Variants in ATAD2 observed in about 807,000 individuals in gnomAD.
ATAD2 encodes the protein ATPase family AAA domain containing 2, also known as ATPase family AAA domain-containing protein 2.
A neutral mutation model predicts 168.9 loss-of-function variants in ATAD2; 62 were observed. The observed-to-expected ratio is 0.37, with a 90% CI of 0.30 to 0.45. The LOEUF is 0.45. Among genes scored for constraint, ATAD2 ranks in the 20% least tolerant of loss-of-function variants. The pLI, the probability that ATAD2 is intolerant of heterozygous loss-of-function variation, is 1.00. For synonymous variants in ATAD2, 613 were observed against 571.6 expected (o/e 1.07, Z -1.03); for missense variants, 1,419 against 1,667.8 (o/e 0.85, Z 2.60).
chr8:123,369,701 T>G, intron 7 of ATAD2, 120 bp downstream of exon 7: 2 of 821,972 alleles, frequency 2.4e-6, no homozygotes, highest in Non-Finnish European at 3.8e-6. Flanking sequence ...ACAACAGTAA[T>G]GAGTATTCAA....
At position 123,380,584 on chromosome 8, in the gene ATAD2, A is replaced by C. The variant is rs752606477; in HGVS notation, c.265T>G (p.Phe89Val). 42 of 1,613,924 alleles carry C rather than the reference A, an allele frequency of 2.6e-5. 1 individual carries two copies. Among genetic ancestry groups the C allele is most frequent in the Non-Finnish European group, 1.7e-6 (2 of 1,179,954 alleles). The change falls in exon 2 of 28, where the codon TTT becomes GTT. Residue 89 changes from phenylalanine (F) to valine (V), a missense_variant. Around this residue, in one of 5 missense-constraint regions of ATAD2, gnomAD observed 419 missense variants for 423.5 expected, o/e 0.99. Transcript: ENST00000287394. ...TCCGTTATTTCCACATTCTTCTCAA[A>C]ACTAGAATCTGAAGAATTCTGTGCA... is the stretch of plus-strand genomic sequence containing the variant. ...KDAQNSSDSS[F>V]EKNVEITEQL...
chr8:123,335,257 C>A (rs1391355187), intron 22 of ATAD2, among the ~76,000 whole-genome samples: 1 of 152,160 alleles, frequency 6.6e-6, no homozygotes, highest in Non-Finnish European at 1.5e-5. Flanking sequence ...CTCCAGGGTA[C>A]CTCGTTTCTT....
intron 21 of ATAD2, among the ~76,000 whole-genome samples, chr8:123,337,053 CAA>C (rs58960333): frequency 0.012 from 748 of 61,962 alleles, 5 homozygotes; most frequent in African/African-American, 0.03. Context: ...ACCCTTACTA[CAA>C]AAAAAAAAAA....
intron 24 of ATAD2, among the ~76,000 whole-genome samples, chr8:123,330,813 G>A (rs759404496): frequency 6.6e-6 from 1 of 152,098 alleles, no homozygotes; most frequent in Admixed American, 6.5e-5. Flanking sequence ...TAGCAATCTT[G>A]CATCCGGATA....
Position 123,348,455 on chromosome 8 carries a change from T to C in ATAD2, c.1807-182A>G, listed in dbSNP as rs571872873. Among the ~76,000 whole-genome samples, 198 of 152,246 alleles carry C rather than the reference T, an allele frequency of 1.3e-3. 1 individual carries two copies. Among genetic ancestry groups the C allele is most frequent in the Non-Finnish European group, 2.3e-3 (154 of 68,006 alleles). ...ACTTTGGGAGGCCGAGGCAGGTGGA[T>C]CACTTGAGGTTGGAAGTTCAAGACC... On this transcript the variant is annotated intron_variant, in intron 14 of 27. Coordinates refer to ENST00000287394, the MANE Select transcript of ATAD2 (RefSeq NM_014109.4).
intron 1 of ATAD2, among the ~76,000 whole-genome samples, chr8:123,406,013 T>C (rs1338354009): frequency 6.6e-6 from 1 of 152,212 alleles, no homozygotes; most frequent in African/African-American, 2.4e-5. Flanking sequence ...CCTTTTATAT[T>C]AAGCAGAAAC....
chr8:123,402,982 G>A lies in ATAD2; in HGVS notation c.-2281-1807C>T, dbSNP rs933144262. Among the ~76,000 whole-genome samples the A allele has an allele frequency of 6.6e-6, 1 of 152,120 alleles. No individual in the cohort carries two copies. The highest frequency in any genetic ancestry group is 2.4e-5 in the African/African-American group (1 of 41,420). Reference sequence around the variant, plus strand: ...TTATCCACAGAGTGATTTGTGTCGCGCTGTTCTGGAATGTGACGAGGAAAG... The same window carrying A: ...TTATCCACAGAGTGATTTGTGTCGCACTGTTCTGGAATGTGACGAGGAAAG... On this transcript the variant is annotated intron_variant, in intron 1 of 28. Coordinates refer to the ATAD2 transcript ENST00000521903. The surrounding 1 kb of genome is among the most constrained non-coding windows in gnomAD (Gnocchi z 4.8).
chr8:123,364,816 G>C (rs867932395), intron 8 of ATAD2, among the ~76,000 whole-genome samples: 1 of 152,054 alleles, frequency 6.6e-6, no homozygotes, highest in Non-Finnish European at 1.5e-5. Context: ...CACAGCCAAC[G>C]TAATACTGAA....
chr8:123,339,039 A>G (rs371540531), intron 20 of ATAD2, among the ~76,000 whole-genome samples: 1 of 152,050 alleles, frequency 6.6e-6, no homozygotes, highest in African/African-American at 2.4e-5. Context: ...GTTTTATGAG[A>G]AAAAAAATGT....
intron 19 of ATAD2, among the ~76,000 whole-genome samples, chr8:123,342,008 C>T (rs1003208762): frequency 6.6e-6 from 1 of 152,118 alleles, no homozygotes; most frequent in African/African-American, 2.4e-5. Flanking sequence ...ATTGCTTAAA[C>T]CCAGGAGGCT....
At chr8:123,389,448 G>C (rs1269576958) in intron 1 of ATAD2, among the ~76,000 whole-genome samples, 1 of 150,204 alleles carries the variant, frequency 6.7e-6, no homozygotes, top group Non-Finnish European at 1.5e-5. Context: ...GACCATCCTG[G>C]CTATCACGGT....
intron 8 of ATAD2, among the ~76,000 whole-genome samples, chr8:123,366,524 A>C (rs556182112): frequency 2.0e-5 from 3 of 152,384 alleles, no homozygotes; most frequent in African/African-American, 7.2e-5. Context: ...ATGTCCATCA[A>C]TTGAGTGGAC....
intron 2 of ATAD2, among the ~76,000 whole-genome samples, chr8:123,372,892 CTT>C (rs766308467): frequency 1.2e-4 from 16 of 137,908 alleles, no homozygotes; most frequent in Non-Finnish European, 9.5e-5. Context: ...ATCCAGCTAA[CTT>C]TTTTTTTTTT....
intron 1 of ATAD2, among the ~76,000 whole-genome samples, chr8:123,404,507 A>AT (rs1360261397): frequency 6.7e-6 from 1 of 150,066 alleles, no homozygotes; most frequent in African/African-American, 2.5e-5. Flanking sequence ...TTCACATCAT[A>AT]TGTCCTTCTT....
At position 123,357,659 on chromosome 8, in the gene ATAD2, C is replaced by G. The variant is rs376202761; in HGVS notation, c.1460G>C (p.Gly487Ala). The G allele has an allele frequency of 2.2e-4, 361 of 1,613,904 alleles. No homozygotes were observed. The highest frequency in any genetic ancestry group is 3.0e-4 in the Non-Finnish European group (350 of 1,179,974). ...ARALANECSQGDKRVAFFMRK... is the reference protein window; with the variant it reads ...ARALANECSQADKRVAFFMRK... ...CATGAAAAATGCTACTCTTTTATCC[C>G]CTTGACTGCACTCATTGGCAAGTGC... is the stretch of plus-strand genomic sequence containing the variant. Residue 487 changes from glycine (G) to alanine (A), a missense_variant, in exon 12 of 28, where the codon GGG (glycine) becomes GCG (alanine). Transcript: ENST00000287394.
At position 123,321,987 on chromosome 8, in the gene ATAD2, C is replaced by CTTTTTTTTTTTTTT. The variant is rs869048943; in HGVS notation, c.4132-826_4132-813dup. 8.1e-3 allele frequency among the ~76,000 whole-genome samples: 1,102 copies of CTTTTTTTTTTTTTT among 136,296 alleles called. 36 individuals carry two copies. The highest frequency in any genetic ancestry group is 0.03 in the African/African-American group (1,055 of 34,970). The allele number at this position is 136,296 out of a possible 152,430, so 89.4% of individuals were successfully genotyped here. On this transcript the variant is annotated intron_variant, in intron 27 of 27. Coordinates refer to ENST00000287394, the MANE Select transcript of ATAD2 (RefSeq NM_014109.4). ...ATAAAGGAAGATTAAGTACATAAGT[C>CTTTTTTTTTTTTTT]TTTTTTTTTTTTTTTTGTCATACAG... is the stretch of plus-strand genomic sequence containing the variant.
intron 1 of ATAD2, among the ~76,000 whole-genome samples, chr8:123,391,815 T>C (rs578259074): frequency 1.1e-4 from 17 of 152,328 alleles, no homozygotes; most frequent in African/African-American, 3.4e-4. Context: ...TCAGTATGAA[T>C]ACATTACCCC....
At chr8:123,325,860 A>C (rs1438098052) in intron 26 of ATAD2, 33 bp downstream of exon 26, 4 of 1,608,060 alleles carry the variant, frequency 2.5e-6, no homozygotes, top group Non-Finnish European at 3.4e-6. Flanking sequence ...AGTAATCTGC[A>C]GAGTAAAAGC....
intron 19 of ATAD2, among the ~76,000 whole-genome samples, chr8:123,343,921 A>G (rs899367522): frequency 1.1e-4 from 16 of 152,222 alleles, no homozygotes; most frequent in Admixed American, 1.0e-3. Flanking sequence ...AGTATGTAAG[A>G]GAAGAGTATT....
Sources: gnomAD v4.1 joint callset for allele counts (sites outside exome capture counted in the v4.1 genomes callset) on GRCh38, gnomAD v4.1.1 for gene constraint, gnomAD v4.1.1 regional missense constraint, Gnocchi (gnomAD v3.1) non-coding constraint, MANE v1.5 for transcripts, NCBI Gene and HGNC (gene_info 2026-07-23, HGNC 2026-07-21) for gene names.